The following DMD variants were observed in gnomAD, a reference collection of about 807,000 sequenced individuals.
DMD encodes mutant dystrophin.
DMD carries 63 observed loss-of-function variants against 330.1 expected under a neutral mutation model. That is an observed-to-expected ratio of 0.19 (90% confidence interval 0.16 to 0.24). DMD has a LOEUF of 0.24. Ranked by LOEUF, DMD falls within the 10% of genes least tolerant of loss-of-function variation. The pLI is 1.00. For synonymous variants in DMD, 1,223 were observed against 959.8 expected, an observed-to-expected ratio of 1.27 and a Z score of -5.07; for missense variants, 3,344 against 2,684.1, an observed-to-expected ratio of 1.25 and a Z score of -5.43.
intron 44 of DMD, among the ~76,000 whole-genome samples, chrX:32,065,410 T>C (rs762254831): frequency 7.6e-4 from 85 of 111,829 alleles, no homozygotes; most frequent in Non-Finnish European, 1.3e-3. Flanking sequence ...TAATTGAAAC[T>C]AGTTCAAGTC....
rs748810743 is a variant in DMD, at chrX:32,652,395, T to A, written c.961-7243A>T. Among the ~76,000 whole-genome samples the A allele has an allele frequency of 3.8e-5, 4 of 106,269 alleles. No individual in the cohort carries two copies. The East Asian group carries it at 1.3e-3, about 33-fold the overall frequency. 92.3% of individuals were successfully genotyped at this position (106,269 alleles called of 115,157 possible). Reference sequence around the variant, plus strand: ...AGTGAGAACATGTGGTATTTGGTTTTTTGTCCTTGCGTTAGCTTGCTGAGA... The same window carrying A: ...AGTGAGAACATGTGGTATTTGGTTTATTGTCCTTGCGTTAGCTTGCTGAGA... On this transcript the variant is annotated intron_variant, in intron 9 of 78. Coordinates refer to ENST00000357033, the MANE Select transcript of DMD (RefSeq NM_004006.3).
intron 1 of DMD, among the ~76,000 whole-genome samples, chrX:33,226,788 A>G (rs928108610): frequency 3.7e-5 from 4 of 109,092 alleles, no homozygotes; most frequent in African/African-American, 1.0e-4. Flanking sequence ...ACAGTTATCT[A>G]TCTATCTTTT....
rs775021560 is a variant in DMD at position 32,923,328 on chromosome X, A to C, written c.94-73508T>G. 3.7e-3 allele frequency among the ~76,000 whole-genome samples: 416 copies of C among 111,416 alleles called. 1 individual carries two copies. Among genetic ancestry groups the C allele is most frequent in the Non-Finnish European group, 5.0e-3 (265 of 53,091 alleles). Reference sequence around the variant, plus strand: ...GTAATCTCAATACTTTGGGAGGCCAAGGCAGGGGGATCACTTGAGGCCAGG... The same window carrying C: ...GTAATCTCAATACTTTGGGAGGCCACGGCAGGGGGATCACTTGAGGCCAGG... On this transcript the variant is annotated intron_variant, in intron 2 of 78. Coordinates refer to ENST00000357033, the MANE Select transcript of DMD (RefSeq NM_004006.3).
At chrX:32,705,597 T>G (rs991532609) in intron 7 of DMD, among the ~76,000 whole-genome samples, 2 of 111,417 alleles carry the variant, frequency 1.8e-5, no homozygotes, top group African/African-American at 6.5e-5. Flanking sequence ...GTGCATCGCC[T>G]GAGGTTAGGA....
intron 27 of DMD, 28 bp downstream of exon 27, chrX:32,448,428 T>C: frequency 8.3e-7 from 1 of 1,202,704 alleles, no homozygotes; most frequent in South Asian, 1.8e-5. Flanking sequence ...TGACATATCA[T>C]TGACAAAGAC....
At chrX:31,371,926 C>T (rs915829020) in intron 60 of DMD, among the ~76,000 whole-genome samples, 1 of 112,159 alleles carries the variant, frequency 8.9e-6, no homozygotes. Flanking sequence ...GCACTTAACT[C>T]GCTAAGTTTC....
At chrX:31,860,135 T>G (rs1280262417) in intron 48 of DMD, among the ~76,000 whole-genome samples, 7 of 111,690 alleles carry the variant, frequency 6.3e-5, no homozygotes, top group African/African-American at 2.3e-4. Context: ...GCTTCTGACG[T>G]TCTCTCATAA....
chrX:32,335,097 C>A (rs1429585205), intron 41 of DMD, among the ~76,000 whole-genome samples: 4 of 111,124 alleles, frequency 3.6e-5, no homozygotes, highest in Non-Finnish European at 7.5e-5. Flanking sequence ...CATGTGAAAA[C>A]TCTTTGTGAA....
intron 51 of DMD, among the ~76,000 whole-genome samples, chrX:31,735,657 G>C (rs761820511): frequency 8.9e-5 from 10 of 112,070 alleles, no homozygotes; most frequent in South Asian, 3.7e-4. Context: ...GAAAATAAGA[G>C]TATTCAGATG....
At chrX:32,211,374 CAATG>C (rs2097093033) in intron 44 of DMD, among the ~76,000 whole-genome samples, 1 of 111,918 alleles carries the variant, frequency 8.9e-6, no homozygotes, top group Non-Finnish European at 1.9e-5. Flanking sequence ...TGCTCAATGA[CAATG>C]AATAAATTTT....
At chrX:32,919,329 G>A (rs2088156190) in intron 2 of DMD, among the ~76,000 whole-genome samples, 1 of 111,806 alleles carries the variant, frequency 8.9e-6, no homozygotes, top group African/African-American at 3.2e-5. Flanking sequence ...TATCCAACCT[G>A]TTTTATACTT....
intron 7 of DMD, among the ~76,000 whole-genome samples, chrX:32,757,117 C>T (rs1475820621): frequency 9.0e-6 from 1 of 111,518 alleles, no homozygotes; most frequent in Non-Finnish European, 1.9e-5. Context: ...TAGGCATATA[C>T]ATTTAAAAAT....
intron 63 of DMD, among the ~76,000 whole-genome samples, chrX:31,243,006 T>A (rs938978308): frequency 2.2e-4 from 25 of 111,784 alleles, no homozygotes; most frequent in African/African-American, 7.5e-4. Context: ...GTCCGCTGCA[T>A]GACCAGAGTC....
chrX:32,405,211 G>A (rs912947647), intron 30 of DMD, among the ~76,000 whole-genome samples: 3 of 111,639 alleles, frequency 2.7e-5, no homozygotes, highest in African/African-American at 9.8e-5. Flanking sequence ...TCCACCTAAA[G>A]ATTTGATTTG....
intron 7 of DMD, among the ~76,000 whole-genome samples, chrX:32,753,249 A>G (rs1429472503): frequency 8.9e-6 from 1 of 112,073 alleles, no homozygotes; most frequent in African/African-American, 3.2e-5. Flanking sequence ...CACATCAAAA[A>G]TAAAATTAAA....
At chrX:32,702,976 T>A (rs1361590894) in intron 7 of DMD, among the ~76,000 whole-genome samples, 6 of 111,476 alleles carry the variant, frequency 5.4e-5, no homozygotes, top group Admixed American at 1.9e-4. Context: ...AAAGTTTCAA[T>A]CTACCCTATT....
intron 48 of DMD, among the ~76,000 whole-genome samples, chrX:31,847,481 T>C (rs2093446896): frequency 8.9e-6 from 1 of 111,975 alleles, no homozygotes; most frequent in South Asian, 3.7e-4. Context: ...AAGGGCAAGA[T>C]ACTATTGCTT....
intron 1 of DMD, among the ~76,000 whole-genome samples, chrX:33,186,427 A>G (rs1198723956): frequency 9.0e-6 from 1 of 111,588 alleles, no homozygotes; most frequent in African/African-American, 3.3e-5. Context: ...TATATATTCA[A>G]TACCATAGGC....
chrX:31,603,309 G>T (rs962739885), intron 55 of DMD, among the ~76,000 whole-genome samples: 1 of 111,099 alleles, frequency 9.0e-6, no homozygotes, highest in Non-Finnish European at 1.9e-5. Context: ...CAGCAAAATG[G>T]ACTGATATGA....
Sources: gnomAD v4.1 joint callset for allele counts (sites outside exome capture counted in the v4.1 genomes callset) on GRCh38, gnomAD v4.1.1 for gene constraint, MANE v1.5 for transcripts, NCBI Gene and HGNC (gene_info 2026-07-23, HGNC 2026-07-21) for gene names.